Variants in SLC35F4 observed in about 807,000 individuals in gnomAD.
SLC35F4 encodes the protein chromosome 14 open reading frame 36.
Under a neutral mutation model 44.2 loss-of-function variants are expected in SLC35F4, and 24 were observed. The observed-to-expected ratio is 0.54, with a 90% CI of 0.39 to 0.76. SLC35F4 has a LOEUF of 0.76. Among genes scored for constraint, SLC35F4 ranks in the 30% least tolerant of loss-of-function variants. The probability of loss-of-function intolerance (pLI) is 0.00; values close to 1 mark genes in which losing one functional copy is unlikely to be tolerated. For missense variants in SLC35F4, 562 were observed against 586.1 expected, an observed-to-expected ratio of 0.96 and a Z score of 0.42; for synonymous variants, 238 against 223.6, an observed-to-expected ratio of 1.06 and a Z score of -0.57.
chr14:57,815,574 A>T (rs1483195492), intron 1 of SLC35F4, among the ~76,000 whole-genome samples: 8 of 152,162 alleles, frequency 5.3e-5, no homozygotes, highest in African/African-American at 9.7e-5. Flanking sequence ...CAGTCTCTCA[A>T]TTTTTAATAT....
intron 3 of SLC35F4, among the ~76,000 whole-genome samples, chr14:57,584,902 A>C (rs1044135567): frequency 6.6e-6 from 1 of 152,220 alleles, no homozygotes; most frequent in African/African-American, 2.4e-5. Flanking sequence ...GTACAGGTGC[A>C]CATAGGTATC....
rs117529998 is a variant in SLC35F4 at position 57,651,690 on chromosome 14, C to T, written c.104-57566G>A. Among the ~76,000 whole-genome samples the T allele has an allele frequency of 2.6e-4, 40 of 152,162 alleles. No homozygotes were observed. In the East Asian group the frequency reaches 3.9e-3, roughly 15 times the overall value. ...ACTGGTCATTCAAGCTCCATGGCTG[C>T]GGCTTGGGAAAATGTCTCTGTGAGT... On this transcript the variant is annotated intron_variant, in intron 1 of 7. Transcript: ENST00000556826.
At chr14:57,684,732 C>A (rs2075018578) in intron 1 of SLC35F4, among the ~76,000 whole-genome samples, 1 of 152,182 alleles carries the variant, frequency 6.6e-6, no homozygotes, top group African/African-American at 2.4e-5. Context: ...TTGAGTAAAG[C>A]ACCATATGCC....
In SLC35F4 at chr14:57,564,369, ATCC is replaced by A. The variant is rs746773716; in HGVS notation, c.1221_1223del (p.Asp408del). 6.2e-7 allele frequency: 1 copy of A among 1,604,266 alleles called. No individual in the cohort carries two copies. Among genetic ancestry groups the A allele is most frequent in the Non-Finnish European group, 8.5e-7 (1 of 1,174,952 alleles). The stretch of plus-strand genomic sequence containing the variant: ...TGAATATCACCTCCTGCTTTAGGAG[ATCC>A]ACAGCTAGGAAAGAAAAATCAAGTC... On this transcript the variant is annotated inframe_deletion, in exon 8 of 8. Coordinates refer to ENST00000556826, the MANE Select transcript of SLC35F4 (RefSeq NM_001306087.2).
intron 1 of SLC35F4, among the ~76,000 whole-genome samples, chr14:57,959,923 C>T (rs932140951): frequency 3.3e-5 from 5 of 151,870 alleles, no homozygotes; most frequent in African/African-American, 7.3e-5. Flanking sequence ...TGAACTGGGC[C>T]GAGACTCCAC....
chr14:57,635,378 G>C (rs1160187720), intron 1 of SLC35F4, among the ~76,000 whole-genome samples: 1 of 152,052 alleles, frequency 6.6e-6, no homozygotes, highest in Admixed American at 6.6e-5. Flanking sequence ...GGGTCGGAGG[G>C]AGACTAAGCG....
Position 57,659,546 on chromosome 14 carries a change from C to T in SLC35F4, c.104-65422G>A, listed in dbSNP as rs1039526071. On this transcript the variant is annotated intron_variant, in intron 1 of 7. Transcript: ENST00000556826. ...AGAGGAATAGTTACTATTAGCATTC[C>T]CACTTTATAGATGAGGAAACCAAGG... Among the ~76,000 whole-genome samples the T allele has an allele frequency of 5.9e-5, 9 of 152,118 alleles. No homozygotes were observed. The South Asian group carries it at 1.5e-3, about 25-fold the overall frequency.
At chr14:57,737,115 T>C (rs1369507286) in intron 1 of SLC35F4, among the ~76,000 whole-genome samples, 2 of 151,108 alleles carry the variant, frequency 1.3e-5, no homozygotes, top group Non-Finnish European at 2.9e-5. Context: ...TGTGTGTGTG[T>C]GTGTGTGTGC....
At chr14:57,850,719 C>T (rs924014224) in intron 1 of SLC35F4, among the ~76,000 whole-genome samples, 4 of 152,098 alleles carry the variant, frequency 2.6e-5, no homozygotes, top group Non-Finnish European at 4.4e-5. Flanking sequence ...TCCAGAGTGA[C>T]GATGTGTCAT....
chr14:57,658,231 C>T (rs143421353), intron 1 of SLC35F4, among the ~76,000 whole-genome samples: 53 of 152,188 alleles, frequency 3.5e-4, no homozygotes, highest in African/African-American at 1.1e-3. Context: ...ATAAACAGAA[C>T]ATTGATACTA....
intron 1 of SLC35F4, among the ~76,000 whole-genome samples, chr14:57,668,327 T>C (rs1160873742): frequency 2.0e-5 from 3 of 151,496 alleles, no homozygotes; most frequent in Non-Finnish European, 4.4e-5. Context: ...AGAAGCTCTT[T>C]AGTTTAATTA....
At chr14:57,898,674 A>G (rs1346490472) in intron 1 of SLC35F4, among the ~76,000 whole-genome samples, 1 of 152,250 alleles carries the variant, frequency 6.6e-6, no homozygotes, top group South Asian at 2.1e-4. Flanking sequence ...TTTCTGTAAT[A>G]TTAAAGGACA....
intron 1 of SLC35F4, among the ~76,000 whole-genome samples, chr14:57,958,102 C>G (rs908689223): frequency 1.3e-5 from 2 of 151,576 alleles, no homozygotes; most frequent in African/African-American, 2.4e-5. Flanking sequence ...GTCGCCCAGG[C>G]TGCAGTGCAG....
upstream of SLC35F4, among the ~76,000 whole-genome samples, chr14:57,868,912 A>G (rs780631944): frequency 3.9e-5 from 6 of 152,250 alleles, no homozygotes; most frequent in Admixed American, 3.3e-4. Flanking sequence ...ACAACTTAAT[A>G]AATGAAGATT....
chr14:57,720,957 T>C (rs1019086550), intron 1 of SLC35F4, among the ~76,000 whole-genome samples: 2 of 128,780 alleles, frequency 1.6e-5, no homozygotes, highest in African/African-American at 5.7e-5. Flanking sequence ...GACCGTGTGA[T>C]TGTGTGAGTT....
intron 1 of SLC35F4, among the ~76,000 whole-genome samples, chr14:57,898,379 C>A (rs60485731): frequency 6.6e-6 from 1 of 152,118 alleles, no homozygotes; most frequent in Admixed American, 6.5e-5. Context: ...GGACATACAA[C>A]GATTTTCTGT....
At position 57,770,782 on chromosome 14, in the gene SLC35F4, T is replaced by C. The variant is rs145975871; in HGVS notation, c.103+94941A>G. Among the ~76,000 whole-genome samples, 438 of 152,322 alleles carry C rather than the reference T, an allele frequency of 2.9e-3. 2 individuals are homozygous for C. Among genetic ancestry groups the C allele is most frequent in the African/African-American group, 7.8e-3 (325 of 41,568 alleles). ...CTTGGTATTTTTCTAATCCAGTCAATGCTTGGAACTTTCAGGACAATTTAT... is the reference window on the plus strand; with the variant it reads ...CTTGGTATTTTTCTAATCCAGTCAACGCTTGGAACTTTCAGGACAATTTAT... On this transcript the variant is annotated intron_variant, in intron 1 of 7. Coordinates refer to ENST00000556826, the MANE Select transcript of SLC35F4 (RefSeq NM_001306087.2).
At chr14:57,953,555 A>T (rs2679225) in intron 1 of SLC35F4, among the ~76,000 whole-genome samples, 4 of 152,216 alleles carry the variant, frequency 2.6e-5, no homozygotes, top group African/African-American at 9.6e-5. Context: ...AAAGACACAC[A>T]TGGGCTCAAA....
At chr14:57,568,858 G>A (rs377665500) in intron 6 of SLC35F4, among the ~76,000 whole-genome samples, 29 of 152,168 alleles carry the variant, frequency 1.9e-4, no homozygotes, top group African/African-American at 6.0e-4. Flanking sequence ...AAATAGAAGC[G>A]GCATGAAAAG....
Sources: gnomAD v4.1 joint callset for allele counts (sites outside exome capture counted in the v4.1 genomes callset) on GRCh38, gnomAD v4.1.1 for gene constraint, MANE v1.5 for transcripts, NCBI Gene and HGNC (gene_info 2026-07-23, HGNC 2026-07-21) for gene names.